SNX6: variants seen among roughly 807,000 people sequenced by gnomAD.
SNX6 encodes sorting nexin-6.
SNX6 carries 34 observed loss-of-function variants against 63.0 expected under a neutral mutation model. That is an observed-to-expected ratio of 0.54 (90% confidence interval 0.41 to 0.72). The LOEUF is 0.72. Ranked by LOEUF, SNX6 falls within the 30% of genes least tolerant of loss-of-function variation. The probability of loss-of-function intolerance (pLI) is 0.00; values close to 1 mark genes in which losing one functional copy is unlikely to be tolerated. For missense variants in SNX6, 398 were observed against 471.4 expected (o/e 0.84, Z 1.44); for synonymous variants, 170 against 164.2 (o/e 1.04, Z -0.27).
chr14:34,585,682 G>A (rs746437334), intron 9 of SNX6, among the ~76,000 whole-genome samples: 12 of 151,896 alleles, frequency 7.9e-5, no homozygotes, highest in Non-Finnish European at 1.5e-4. Flanking sequence ...TGCAACCTCC[G>A]CCTCCCGGGT....
chr14:34,570,638 G>C (rs1881404118), intron 11 of SNX6, among the ~76,000 whole-genome samples: 1 of 150,796 alleles, frequency 6.6e-6, no homozygotes, highest in Admixed American at 6.6e-5. Context: ...GGCCAGGCTG[G>C]TCTTGAACTC....
chr14:34,617,788 G>T (rs1883476818), intron 2 of SNX6, among the ~76,000 whole-genome samples: 1 of 151,848 alleles, frequency 6.6e-6, no homozygotes, highest in East Asian at 1.9e-4. Context: ...GGGCGTGGTG[G>T]CGGGCACCTG....
chr14:34,604,211 G>T, intron 5 of SNX6: 1 of 1,288,820 alleles, frequency 7.8e-7, no homozygotes, highest in Non-Finnish European at 1.0e-6. Context: ...CAAAAAAGAA[G>T]GATGCAGAGG....
intron 9 of SNX6, among the ~76,000 whole-genome samples, chr14:34,582,576 A>T (rs1488708986): frequency 6.6e-6 from 1 of 151,562 alleles, no homozygotes; most frequent in East Asian, 2.0e-4. Context: ...ATTGAGACTG[A>T]ATCTCGCTTT....
intron 9 of SNX6, among the ~76,000 whole-genome samples, chr14:34,585,984 AACCTCTGC>A (rs1882136209): frequency 6.6e-6 from 1 of 151,978 alleles, no homozygotes; most frequent in East Asian, 1.9e-4. Flanking sequence ...AGCTCACTGC[AACCTCTGC>A]CTCCCAGGTT....
intron 13 of SNX6, among the ~76,000 whole-genome samples, chr14:34,565,714 G>A (rs538690827): frequency 6.8e-6 from 1 of 147,592 alleles, no homozygotes; most frequent in East Asian, 2.0e-4. Context: ...TTTTGAGACG[G>A]AGTCTCACTC....
chr14:34,616,169 T>G (rs902144893), intron 2 of SNX6, among the ~76,000 whole-genome samples: 17 of 151,986 alleles, frequency 1.1e-4, no homozygotes, highest in African/African-American at 4.1e-4. Flanking sequence ...TTGGCCAGGA[T>G]GGTCTTGATC....
chr14:34,612,927 T>C (rs920489516), intron 2 of SNX6, among the ~76,000 whole-genome samples: 1 of 150,464 alleles, frequency 6.6e-6, no homozygotes, highest in African/African-American at 2.4e-5. Context: ...TGCATGCCTA[T>C]AATCCCAGCT....
chr14:34,581,870 G>A lies in SNX6; in HGVS notation c.795-270C>T, dbSNP rs138857338. Among the ~76,000 whole-genome samples the A allele has an allele frequency of 3.0e-3, 462 of 152,004 alleles. 3 individuals carry two copies. The highest frequency in any genetic ancestry group is 9.8e-3 in the African/African-American group (407 of 41,490). ...TGCGATGGAGTTTCACGCTTGTTGC[G>A]CAGAACGGAGTGCAACTGCGCAATC... On this transcript the variant is annotated intron_variant, in intron 9 of 13. Coordinates refer to ENST00000362031, the MANE Select transcript of SNX6 (RefSeq NM_152233.4).
At chr14:34,600,685 G>T (rs1882775892) in intron 6 of SNX6, among the ~76,000 whole-genome samples, 1 of 152,230 alleles carries the variant, frequency 6.6e-6, no homozygotes, top group South Asian at 2.1e-4. Flanking sequence ...TCCAAGATTT[G>T]TATCAGTCAT....
chr14:34,594,662 C>T (rs1467879034), intron 7 of SNX6, among the ~76,000 whole-genome samples: 1 of 151,928 alleles, frequency 6.6e-6, no homozygotes, highest in Non-Finnish European at 1.5e-5. Context: ...GCACCTGGCA[C>T]AAAAATAAAA....
chr14:34,579,982 T>C (rs1412407182), intron 10 of SNX6, among the ~76,000 whole-genome samples: 1 of 152,144 alleles, frequency 6.6e-6, no homozygotes, highest in Non-Finnish European at 1.5e-5. Context: ...ATCAGGACTT[T>C]GAGACTAGCC....
intron 11 of SNX6, chr14:34,569,226 T>A: frequency 1.7e-6 from 1 of 592,100 alleles, no homozygotes. Context: ...TAACTCACAA[T>A]TTAAAATATG....
intron 2 of SNX6, among the ~76,000 whole-genome samples, chr14:34,624,675 A>G (rs1166741369): frequency 6.6e-6 from 1 of 151,558 alleles, no homozygotes; most frequent in Non-Finnish European, 1.5e-5. Context: ...GTGCACCTGT[A>G]GTCCCAGCTA....
chr14:34,566,736 A>G (rs1163074442), intron 13 of SNX6, among the ~76,000 whole-genome samples: 5 of 152,172 alleles, frequency 3.3e-5, no homozygotes, highest in African/African-American at 9.7e-5. Context: ...TCTATTAACT[A>G]CAAGAAGAGG....
intron 11 of SNX6, among the ~76,000 whole-genome samples, chr14:34,573,791 T>TG (rs1314451722): frequency 6.6e-6 from 1 of 151,668 alleles, no homozygotes; most frequent in African/African-American, 2.4e-5. Context: ...TACAGGTGCC[T>TG]GCTACCATGC....
At chr14:34,615,921 T>C (rs1221767387) in intron 2 of SNX6, among the ~76,000 whole-genome samples, 1 of 152,182 alleles carries the variant, frequency 6.6e-6, no homozygotes, top group Non-Finnish European at 1.5e-5. Flanking sequence ...TCTAGATGCA[T>C]ATTTTTTATA....
rs143144287 is a variant in SNX6 at position 34,581,850 on chromosome 14, T to C, written c.795-250A>G. On this transcript the variant is annotated intron_variant, in intron 9 of 13. Coordinates refer to ENST00000362031, the MANE Select transcript of SNX6 (RefSeq NM_152233.4). ...ATTTGATTTTTGTTTTTTTTTGCGATGGAGTTTCACGCTTGTTGCGCAGAA... is the reference window on the plus strand; with the variant it reads ...ATTTGATTTTTGTTTTTTTTTGCGACGGAGTTTCACGCTTGTTGCGCAGAA... Among the ~76,000 whole-genome samples, 19 of 152,214 alleles carry C rather than the reference T, an allele frequency of 1.2e-4. No homozygotes were observed. The East Asian group carries it at 3.3e-3, about 26-fold the overall frequency.
At chr14:34,609,892 C>T (rs2138358129) in intron 2 of SNX6, 150 bp from the exon 3 acceptor site, 1 of 570,826 alleles carries the variant, frequency 1.8e-6, no homozygotes, top group East Asian at 2.9e-5. Context: ...ATACTATATA[C>T]ATTTTGAAGC....
Sources: allele counts gnomAD v4.1 joint callset (sites outside exome capture counted in the v4.1 genomes callset), GRCh38; gene constraint gnomAD v4.1.1; transcripts MANE v1.5; gene names NCBI Gene and HGNC (gene_info 2026-07-23, HGNC 2026-07-21).